Variants in USP32 observed in about 807,000 individuals in gnomAD.
USP32 encodes the protein ubiquitin carboxyl-terminal hydrolase 32.
In USP32, 59 loss-of-function variants were observed where a neutral mutation model predicts 204.8. That is an observed-to-expected ratio of 0.29 (90% CI 0.23 to 0.36). The LOEUF is 0.36. Among genes scored for constraint, USP32 ranks in the 10% least tolerant of loss-of-function variants. The probability of loss-of-function intolerance (pLI) is 1.00; values close to 1 mark genes in which losing one functional copy is unlikely to be tolerated. For synonymous variants in USP32, 517 were observed against 678.4 expected (o/e 0.76, Z 3.70); for missense variants, 1,160 against 1,946.4 (o/e 0.60, Z 7.60).
chr17:60,359,139 T>C (rs2089150824), intron 1 of USP32, among the ~76,000 whole-genome samples: 1 of 152,206 alleles, frequency 6.6e-6, no homozygotes, highest in African/African-American at 2.4e-5. Context: ...CCTTTATTTT[T>C]TGGAAGCCTA....
intron 2 of USP32, among the ~76,000 whole-genome samples, chr17:60,341,002 C>T (rs956632141): frequency 1.3e-5 from 2 of 151,990 alleles, no homozygotes; most frequent in South Asian, 2.1e-4. Flanking sequence ...TTGGCCCCCA[C>T]TCTCTTCTGG....
intron 33 of USP32, among the ~76,000 whole-genome samples, chr17:60,179,682 A>G (rs1567744170): frequency 6.6e-6 from 1 of 150,832 alleles, no homozygotes; most frequent in Non-Finnish European, 1.5e-5. Flanking sequence ...CTATTTATTT[A>G]TTTTTTTGAG....
chr17:60,242,686 C>G (rs539619855), intron 11 of USP32, among the ~76,000 whole-genome samples: 2 of 152,328 alleles, frequency 1.3e-5, no homozygotes, highest in African/African-American at 4.8e-5. Context: ...GGATTACAGG[C>G]ATGAGCCACC....
intron 2 of USP32, chr17:60,305,003 A>G (rs931951183): frequency 3.3e-5 from 5 of 152,214 alleles, no homozygotes; most frequent in African/African-American, 1.2e-4. Context: ...TAACTTGTCC[A>G]AAGTCATACA....
At chr17:60,209,780 G>A (rs1026419061) in intron 21 of USP32, among the ~76,000 whole-genome samples, 2 of 152,086 alleles carry the variant, frequency 1.3e-5, no homozygotes, top group African/African-American at 4.8e-5. Context: ...TGTGTCCTCA[G>A]TTCAGTATTA....
At chr17:60,222,388 G>A in intron 15 of USP32, 21 bp downstream of exon 15, 1 of 1,606,054 alleles carries the variant, frequency 6.2e-7, no homozygotes, top group East Asian at 2.2e-5. Context: ...CCTTATATAA[G>A]GCACTATTAA....
At chr17:60,233,395 G>A (rs1158916177) in intron 12 of USP32, among the ~76,000 whole-genome samples, 2 of 152,120 alleles carry the variant, frequency 1.3e-5, no homozygotes, top group East Asian at 3.9e-4. Flanking sequence ...ATGAGGTTGA[G>A]GCTGTAGTGA....
chr17:60,375,475 T>C (rs1160313853), intron 1 of USP32, among the ~76,000 whole-genome samples: 2 of 152,194 alleles, frequency 1.3e-5, no homozygotes, highest in Non-Finnish European at 2.9e-5. Flanking sequence ...CCATAAACCA[T>C]ACAGCAGAAT....
At chr17:60,183,025 T>A in intron 31 of USP32, 140 bp downstream of exon 31, 1 of 1,210,354 alleles carries the variant, frequency 8.3e-7, no homozygotes. Flanking sequence ...AAAACTTACA[T>A]AGCTCAAATA....
At chr17:60,358,880 T>C (rs541625418) in intron 1 of USP32, among the ~76,000 whole-genome samples, 92 of 152,350 alleles carry the variant, frequency 6.0e-4, no homozygotes, top group South Asian at 2.1e-4. Context: ...CTTGCCAAGA[T>C]TGAGAATCTC....
chr17:60,402,162 A>T (rs1439384955), intron 1 of USP32, among the ~76,000 whole-genome samples: 1 of 151,868 alleles, frequency 6.6e-6, no homozygotes, highest in Non-Finnish European at 1.5e-5. Flanking sequence ...AGGATCTTTC[A>T]TTCTAGTGGT....
At chr17:60,192,223 A>G (rs1275417615) in intron 28 of USP32, among the ~76,000 whole-genome samples, 3 of 151,908 alleles carry the variant, frequency 2.0e-5, no homozygotes, top group Non-Finnish European at 2.9e-5. Flanking sequence ...CCTGGGAGGC[A>G]GAGGTTGCAG....
At chr17:60,179,557 G>A in intron 33 of USP32, 129 bp from the exon 34 acceptor site, 2 of 1,204,188 alleles carry the variant, frequency 1.7e-6, no homozygotes, top group Non-Finnish European at 2.3e-6. Context: ...CACTAGTTTG[G>A]CTGTCTCACA....
intron 11 of USP32, among the ~76,000 whole-genome samples, chr17:60,248,041 T>A (rs1276881034): frequency 6.6e-6 from 1 of 152,198 alleles, no homozygotes; most frequent in African/African-American, 2.4e-5. Flanking sequence ...TGTTCTTATG[T>A]CAGTGCCATG....
chr17:60,378,075 G>T (rs1049942556), intron 1 of USP32, among the ~76,000 whole-genome samples: 1 of 151,878 alleles, frequency 6.6e-6, no homozygotes, highest in Admixed American at 6.6e-5. Flanking sequence ...AATGTATAAA[G>T]AACTACAGAA....
intron 1 of USP32, among the ~76,000 whole-genome samples, chr17:60,405,596 T>C (rs2089969508): frequency 6.6e-6 from 1 of 151,916 alleles, no homozygotes; most frequent in Non-Finnish European, 1.5e-5. Context: ...ACCCCATCGC[T>C]ACAAAAATAC....
At chr17:60,319,834 A>G (rs766602825) in intron 2 of USP32, among the ~76,000 whole-genome samples, 1 of 152,142 alleles carries the variant, frequency 6.6e-6, no homozygotes, top group Non-Finnish European at 1.5e-5. Context: ...ACAACTATTC[A>G]CGTAGTATTT....
chr17:60,304,280 G>GA (rs1475455506), intron 2 of USP32, among the ~76,000 whole-genome samples: 1 of 150,842 alleles, frequency 6.6e-6, no homozygotes, highest in Admixed American at 6.6e-5. Context: ...AGCACTAAAG[G>GA]AAAAAAACTC....
intron 14 of USP32, 117 bp from the exon 15 acceptor site, chr17:60,222,666 G>A: frequency 6.5e-6 from 6 of 928,936 alleles, no homozygotes; most frequent in Non-Finnish European, 4.7e-6. Context: ...TCATGTTGCT[G>A]GAAAAACTTA....
Sources: allele counts gnomAD v4.1 joint callset (sites outside exome capture counted in the v4.1 genomes callset), GRCh38; gene constraint gnomAD v4.1.1; transcripts MANE v1.5; gene names NCBI Gene and HGNC (gene_info 2026-07-23, HGNC 2026-07-21).